SDK1: variants seen among roughly 807,000 people sequenced by gnomAD.
SDK1 encodes sidekick cell adhesion molecule 1, also known as protein sidekick-1.
SDK1 carries 157 observed loss-of-function variants against 245.5 expected under a neutral mutation model. That is an observed-to-expected ratio of 0.64 (90% CI 0.56 to 0.73). The LOEUF (loss-of-function observed/expected upper bound fraction) is 0.73. SDK1 is among the 30% of genes least tolerant of loss of function. The probability of loss-of-function intolerance (pLI) is 0.00; values close to 1 mark genes in which losing one functional copy is unlikely to be tolerated. For synonymous variants in SDK1, 1,647 were observed against 1,278.5 expected, an observed-to-expected ratio of 1.29 and a Z score of -6.15; for missense variants, 3,583 against 3,002.3, an observed-to-expected ratio of 1.19 and a Z score of -4.52.
chr7:3,849,293 C>T (rs112308697), intron 5 of SDK1, among the ~76,000 whole-genome samples: 9 of 152,312 alleles, frequency 5.9e-5, no homozygotes, highest in African/African-American at 1.9e-4. Flanking sequence ...TTTATCTTCA[C>T]CACTCAGCGT....
At chr7:3,581,979 G>T (rs574213438) in intron 1 of SDK1, among the ~76,000 whole-genome samples, 20 of 152,328 alleles carry the variant, frequency 1.3e-4, no homozygotes, top group African/African-American at 4.1e-4. Flanking sequence ...ACAGACACCG[G>T]GGCCTACTTG....
chr7:3,346,537 A>G (rs1274414252), intron 1 of SDK1, among the ~76,000 whole-genome samples: 1 of 151,452 alleles, frequency 6.6e-6, no homozygotes, highest in Admixed American at 6.6e-5. Context: ...TTTAATAGTC[A>G]AGGTCTCACT....
At position 3,301,754 on chromosome 7, in the gene SDK1, G is replaced by T. The variant is rs1459318762; in HGVS notation, c.168G>T (p.Glu56Asp). ...CCTCGCGACCCCGGGCGGCGCCCGA[G>T]ACCTCCGGCGGGGACACGGCGGGCG... Reference protein sequence around the residue: ...PEPSRPRAAPETSGGDTAGAG... With the variant: ...PEPSRPRAAPDTSGGDTAGAG... The change falls in exon 1 of 45, where the codon GAG (glutamate) becomes GAT (aspartate). Residue 56 changes from glutamate to aspartate, a missense_variant. Physicochemically the swap from Glu to Asp is conservative, Grantham distance 45. Transcript: ENST00000404826. 3.4e-4 allele frequency: 330 copies of T among 983,744 alleles called. 10 individuals are homozygous for T. The South Asian group carries it at 0.013, about 40-fold the overall frequency. The allele number at this position is 983,744 out of a possible 1,614,324, so 60.9% of individuals were successfully genotyped here. A position where few individuals can be genotyped will look rare whatever the true frequency, so the allele number is the denominator to read the frequency against.
intron 17 of SDK1, among the ~76,000 whole-genome samples, chr7:4,034,097 C>G (rs1788039805): frequency 1.3e-5 from 2 of 152,196 alleles, no homozygotes; most frequent in African/African-American, 4.8e-5. Flanking sequence ...CGCCTCTGTG[C>G]TATTCGTGCC....
chr7:4,175,905 C>A, intron 34 of SDK1, 71 bp downstream of exon 34: 1 of 1,403,832 alleles, frequency 7.1e-7, no homozygotes, highest in Non-Finnish European at 1.0e-6. Context: ...GCTGGTCTCT[C>A]AGTGCAAGGG....
In SDK1 at chr7:4,258,677, C is replaced by T. The variant is rs147769260; in HGVS notation, c.6382-6447C>T. ...ATTTGTGGATGTTGATTGTTTCAGA[C>T]CCAAGACGAGGAAATTGAATCCAGT... On this transcript the variant is annotated intron_variant, in intron 44 of 44. Transcript: ENST00000404826. 4.0e-4 allele frequency among the ~76,000 whole-genome samples: 61 copies of T among 152,260 alleles called. 1 individual carries two copies. The East Asian group carries it at 0.011, about 28-fold the overall frequency.
chr7:3,552,098 G>A (rs1243450908), intron 1 of SDK1, among the ~76,000 whole-genome samples: 2 of 151,944 alleles, frequency 1.3e-5, no homozygotes, highest in East Asian at 3.9e-4. Flanking sequence ...GAGTGCGGTG[G>A]CGCAATCTTG....
intron 10 of SDK1, 145 bp from the exon 11 acceptor site, chr7:3,969,112 C>A: frequency 1.4e-6 from 1 of 690,802 alleles, no homozygotes; most frequent in Non-Finnish European, 2.3e-6. Flanking sequence ...AGATTCCTCC[C>A]CCGACGTGGG....
intron 28 of SDK1, 61 bp from the exon 29 acceptor site, chr7:4,145,661 G>A: frequency 6.8e-7 from 1 of 1,477,146 alleles, no homozygotes; most frequent in Non-Finnish European, 9.2e-7. Context: ...TGTGGGCACA[G>A]GGCTTCCCTG....
At chr7:3,359,991 A>C (rs1000237013) in intron 1 of SDK1, among the ~76,000 whole-genome samples, 1 of 152,198 alleles carries the variant, frequency 6.6e-6, no homozygotes, top group Non-Finnish European at 1.5e-5. Flanking sequence ...GTTTGTAAGC[A>C]AAATATTACA....
At chr7:3,511,816 T>C (rs1176752445) in intron 1 of SDK1, among the ~76,000 whole-genome samples, 3 of 150,588 alleles carry the variant, frequency 2.0e-5, no homozygotes, top group Non-Finnish European at 4.4e-5. Context: ...TTTAACTTTT[T>C]AGAGCAATTT....
At chr7:3,381,166 G>A (rs971540795) in intron 1 of SDK1, among the ~76,000 whole-genome samples, 1 of 152,134 alleles carries the variant, frequency 6.6e-6, no homozygotes, top group Non-Finnish European at 1.5e-5. Flanking sequence ...AGGAAGTTTA[G>A]TGTTGAAGAG....
At chr7:3,808,532 G>A (rs1173605307) in intron 4 of SDK1, among the ~76,000 whole-genome samples, 1 of 152,208 alleles carries the variant, frequency 6.6e-6, no homozygotes, top group Non-Finnish European at 1.5e-5. Context: ...ATCCCAGCCC[G>A]ACCTGCACCG....
At chr7:3,456,086 G>A (rs962504433) in intron 1 of SDK1, among the ~76,000 whole-genome samples, 1 of 152,168 alleles carries the variant, frequency 6.6e-6, no homozygotes, top group African/African-American at 2.4e-5. Flanking sequence ...TTTCTGTTGA[G>A]AAGTCTGCTA....
At chr7:3,514,725 C>CTTG (rs1383959507) in intron 1 of SDK1, among the ~76,000 whole-genome samples, 1 of 152,150 alleles carries the variant, frequency 6.6e-6, no homozygotes, top group Non-Finnish European at 1.5e-5. Flanking sequence ...ACTTAGACCC[C>CTTG]GTCTCCTTGA....
chr7:3,723,873 C>A (rs1266978188), intron 4 of SDK1, among the ~76,000 whole-genome samples: 1 of 121,332 alleles, frequency 8.2e-6, no homozygotes, highest in Admixed American at 8.3e-5. Flanking sequence ...CGTGTATATA[C>A]ACGTACATAT....
intron 1 of SDK1, among the ~76,000 whole-genome samples, chr7:3,378,256 C>G (rs1159254948): frequency 2.6e-5 from 4 of 152,098 alleles, no homozygotes; most frequent in Non-Finnish European, 5.9e-5. Context: ...TTTGTGTTTT[C>G]TAGGCATTCC....
chr7:3,799,501 G>A (rs1397367885), intron 4 of SDK1, among the ~76,000 whole-genome samples: 9 of 151,652 alleles, frequency 5.9e-5, no homozygotes, highest in South Asian at 2.1e-4. Flanking sequence ...TCAGGAGATC[G>A]AGACCATCCT....
intron 1 of SDK1, among the ~76,000 whole-genome samples, chr7:3,592,310 C>G (rs982790239): frequency 6.6e-6 from 1 of 152,188 alleles, no homozygotes; most frequent in African/African-American, 2.4e-5. Flanking sequence ...CGTTTCTCCC[C>G]TCTCCCCCAC....
Sources: gnomAD v4.1 joint callset for allele counts (sites outside exome capture counted in the v4.1 genomes callset) on GRCh38, gnomAD v4.1.1 for gene constraint, MANE v1.5 for transcripts, NCBI Gene and HGNC (gene_info 2026-07-23, HGNC 2026-07-21) for gene names.